Variants in ZNF423 observed in about 807,000 individuals in gnomAD.
ZNF423 encodes Ebf-associated zinc finger protein.
ZNF423 carries 12 observed loss-of-function variants against 95.8 expected under a neutral mutation model. That is an observed-to-expected ratio of 0.13 (90% CI 0.08 to 0.20). ZNF423 has a LOEUF of 0.20. Among genes scored for constraint, ZNF423 ranks in the 10% least tolerant of loss-of-function variants. The pLI, the probability that ZNF423 is intolerant of heterozygous loss-of-function variation, is 1.00. For missense variants in ZNF423, 1,316 were observed against 1,737.1 expected (o/e 0.76, Z 4.31); for synonymous variants, 749 against 711.9 (o/e 1.05, Z -0.83).
chr16:49,691,429 T>C (rs2031776400), intron 3 of ZNF423, among the ~76,000 whole-genome samples: 1 of 152,266 alleles, frequency 6.6e-6, no homozygotes, highest in South Asian at 2.1e-4. Context: ...GGTTTCCTCA[T>C]AGGTTAAAAC....
At chr16:49,853,244 G>A (rs538352597) in intron 1 of ZNF423, among the ~76,000 whole-genome samples, 1 of 148,442 alleles carries the variant, frequency 6.7e-6, no homozygotes, top group East Asian at 2.1e-4. Flanking sequence ...CACTTGGTGT[G>A]GAGCTGTCCA....
intron 5 of ZNF423, among the ~76,000 whole-genome samples, chr16:49,595,865 C>T (rs563286933): frequency 1.3e-5 from 2 of 152,218 alleles, no homozygotes; most frequent in South Asian, 4.1e-4. Context: ...CAAGGAAAAA[C>T]ATCTGTGGAA....
At position 49,730,889 on chromosome 16, in the gene ZNF423, C is replaced by A; in HGVS notation, c.183G>T (p.Glu61Asp). The A allele has an allele frequency of 1.2e-6, 2 of 1,614,212 alleles. No individual in the cohort carries two copies. The highest frequency in any genetic ancestry group is 1.7e-6 in the Non-Finnish European group (2 of 1,180,042). Residue 61 changes from glutamate (E) to aspartate (D), a missense_variant, in exon 3 of 8, where the codon GAG becomes GAT. Glu to Asp is a conservative substitution (Grantham distance 45, BLOSUM62 2). Around this residue, in one of 6 missense-constraint regions of ZNF423, gnomAD observed 155 missense variants for 170.8 expected, o/e 0.91. Coordinates refer to ENST00000563137, the MANE Select transcript of ZNF423 (RefSeq NM_001379286.1). ...EDRNSVTSQE[E>D]RNEDDEDMED... Reference sequence around the variant, plus strand: ...CCATGTCTTCATCATCCTCATTTCTCTCCTCTTGACTTGTCACGCTGTTCC... The same window carrying A: ...CCATGTCTTCATCATCCTCATTTCTATCCTCTTGACTTGTCACGCTGTTCC...
intron 7 of ZNF423, among the ~76,000 whole-genome samples, chr16:49,511,046 C>T (rs563183768): frequency 6.6e-6 from 1 of 152,322 alleles, no homozygotes; most frequent in South Asian, 2.1e-4. Context: ...AGGGGAGGCC[C>T]CCCAGTCCCC....
intron 5 of ZNF423, among the ~76,000 whole-genome samples, chr16:49,617,914 GA>G (rs1292207321): frequency 6.6e-6 from 1 of 151,966 alleles, no homozygotes; most frequent in African/African-American, 2.4e-5. Context: ...GATATTCCTG[GA>G]AACACTGCTC....
At chr16:49,835,592 G>C (rs1485871435) in intron 1 of ZNF423, among the ~76,000 whole-genome samples, 4 of 152,204 alleles carry the variant, frequency 2.6e-5, no homozygotes, top group Non-Finnish European at 5.9e-5. Flanking sequence ...TCCACCCCTG[G>C]CTGGGCCTGA....
chr16:49,712,336 G>A (rs1162665983), intron 3 of ZNF423, among the ~76,000 whole-genome samples: 6 of 152,142 alleles, frequency 3.9e-5, no homozygotes, highest in African/African-American at 9.7e-5. Flanking sequence ...GTGGGGTGCC[G>A]CAAAGCTTTG....
At position 49,827,251 on chromosome 16, in the gene ZNF423, G is replaced by A. The variant is rs546869245; in HGVS notation, c.40+28484C>T. Among the ~76,000 whole-genome samples, 44 of 152,058 alleles carry A rather than the reference G, an allele frequency of 2.9e-4. 1 individual carries two copies. The highest frequency in any genetic ancestry group is 4.6e-4 in the Admixed American group (7 of 15,278). On this transcript the variant is annotated intron_variant, in intron 1 of 7. Transcript: ENST00000563137. ...GCCTCCAGCCACAGAGCAGGCCCCC[G>A]CCTCATCCCTCCTCAAACACACCAG...
At chr16:49,626,139 C>T in intron 5 of ZNF423, 31 bp downstream of exon 5, 1 of 1,609,056 alleles carries the variant, frequency 6.2e-7, no homozygotes, top group Non-Finnish European at 8.5e-7. Flanking sequence ...AAGAGTAGCT[C>T]CAGCATGGCT....
intron 2 of ZNF423, among the ~76,000 whole-genome samples, chr16:49,756,006 A>G (rs1204904729): frequency 6.6e-6 from 1 of 152,208 alleles, no homozygotes; most frequent in Non-Finnish European, 1.5e-5. Flanking sequence ...TGAGGCAGAA[A>G]GAATGATGCA....
chr16:49,796,905 C>T (rs2034507334), intron 1 of ZNF423, among the ~76,000 whole-genome samples: 1 of 152,100 alleles, frequency 6.6e-6, no homozygotes, highest in Non-Finnish European at 1.5e-5. Context: ...CTTTAAGCAC[C>T]CATAGACCAA....
intron 5 of ZNF423, among the ~76,000 whole-genome samples, chr16:49,561,327 T>G (rs1350340764): frequency 1.8e-4 from 27 of 152,190 alleles, no homozygotes; most frequent in Admixed American, 1.8e-3. Flanking sequence ...TTACCAACTA[T>G]ATTGTAACTA....
chr16:49,491,189 C>G lies in ZNF423; in HGVS notation c.*86G>C. 6.4e-7 allele frequency: 1 copy of G among 1,554,094 alleles called. No homozygotes were observed. On this transcript the variant is annotated 3_prime_UTR_variant, in exon 8 of 8. Transcript: ENST00000563137. The stretch of plus-strand genomic sequence containing the variant: ...TTTTACATCTGGGTTGCAAATGACA[C>G]TTTGATTGGATGTAATGTTCAAATG...
chr16:49,620,132 TACACACAC>T (rs56739115), intron 5 of ZNF423, among the ~76,000 whole-genome samples: 38 of 143,774 alleles, frequency 2.6e-4, no homozygotes, highest in Middle Eastern at 3.3e-3. Context: ...CTCTCTCTTC[TACACACAC>T]ACACACACAC....
rs116473763 is a variant in ZNF423, at chr16:49,624,844, T to C, written c.3601+1326A>G. Among the ~76,000 whole-genome samples, 810 of 152,240 alleles carry C rather than the reference T, an allele frequency of 5.3e-3. 5 individuals carry two copies. The highest frequency in any genetic ancestry group is 0.019 in the African/African-American group (780 of 41,540). Reference sequence around the variant, plus strand: ...CAGCATCGTGATGACCTGTTGGTGGTAAGGGAGGGCCTGAAGGAGCCCAAG... The same window carrying C: ...CAGCATCGTGATGACCTGTTGGTGGCAAGGGAGGGCCTGAAGGAGCCCAAG... On this transcript the variant is annotated intron_variant, in intron 5 of 7. Transcript: ENST00000563137.
At chr16:49,778,705 A>C (rs959551828) in intron 2 of ZNF423, among the ~76,000 whole-genome samples, 9 of 152,186 alleles carry the variant, frequency 5.9e-5, no homozygotes, top group African/African-American at 1.7e-4. Flanking sequence ...CGATGTGGGG[A>C]GAAAGGCAGG....
intron 2 of ZNF423, among the ~76,000 whole-genome samples, chr16:49,772,383 T>C (rs1400407560): frequency 6.6e-6 from 1 of 152,208 alleles, no homozygotes; most frequent in Non-Finnish European, 1.5e-5. Context: ...CTTCCCGAAA[T>C]ACCTGCACAG....
At chr16:49,625,812 T>C (rs1972242009) in intron 5 of ZNF423, among the ~76,000 whole-genome samples, 1 of 152,158 alleles carries the variant, frequency 6.6e-6, no homozygotes, top group African/African-American at 2.4e-5. Flanking sequence ...CCATGTTGAG[T>C]AGGGAAATGT....
intron 7 of ZNF423, among the ~76,000 whole-genome samples, chr16:49,501,857 A>G (rs1395179754): frequency 6.6e-6 from 1 of 152,090 alleles, no homozygotes; most frequent in East Asian, 1.9e-4. Context: ...AGTTGGGAGC[A>G]ATAGAAACTG....
Sources: allele counts gnomAD v4.1 joint callset (sites outside exome capture counted in the v4.1 genomes callset), GRCh38; gene constraint gnomAD v4.1.1; regional missense constraint gnomAD v4.1.1; transcripts MANE v1.5; gene names NCBI Gene and HGNC (gene_info 2026-07-23, HGNC 2026-07-21).